ARHGAP24: variants seen among roughly 807,000 people sequenced by gnomAD.
ARHGAP24 encodes the protein rho GTPase-activating protein 24.
A neutral mutation model predicts 76.4 loss-of-function variants in ARHGAP24; 50 were observed. The observed-to-expected ratio is 0.65, with a 90% confidence interval of 0.52 to 0.83. The LOEUF is 0.83. Ranked by LOEUF, ARHGAP24 falls within the 40% of genes least tolerant of loss-of-function variation. ARHGAP24 has a pLI of 0.00. For synonymous variants in ARHGAP24, 345 were observed against 323.3 expected, an observed-to-expected ratio of 1.07 and a Z score of -0.72; for missense variants, 930 against 914.2, an observed-to-expected ratio of 1.02 and a Z score of -0.22.
chr4:86,000,133 T>A (rs1055517505), intron 9 of ARHGAP24: 1 of 198,062 alleles, frequency 5.0e-6, no homozygotes, highest in Non-Finnish European at 1.0e-5. Context: ...TTTAGTGTAG[T>A]GAACTTTACA....
At chr4:85,746,798 C>T (rs544562010) in intron 3 of ARHGAP24, among the ~76,000 whole-genome samples, 8 of 151,968 alleles carry the variant, frequency 5.3e-5, no homozygotes, top group Non-Finnish European at 1.0e-4. Context: ...ATTACAGGTG[C>T]CTGCCACCAT....
chr4:85,735,777 T>G (rs2110056184), intron 3 of ARHGAP24, among the ~76,000 whole-genome samples: 1 of 152,294 alleles, frequency 6.6e-6, no homozygotes, highest in East Asian at 1.9e-4. Flanking sequence ...AGAGTGATAT[T>G]TTTAATAGAC....
At chr4:85,482,565 A>T (rs1476517869) in intron 1 of ARHGAP24, among the ~76,000 whole-genome samples, 1 of 152,196 alleles carries the variant, frequency 6.6e-6, no homozygotes, top group Non-Finnish European at 1.5e-5. Context: ...AGGTCACAGG[A>T]TAACAAGTGC....
chr4:85,783,394 C>T (rs1727654259), intron 3 of ARHGAP24, among the ~76,000 whole-genome samples: 1 of 152,054 alleles, frequency 6.6e-6, no homozygotes, highest in Admixed American at 6.6e-5. Context: ...TTAGGATAAG[C>T]ATTCTTTTAC....
intron 3 of ARHGAP24, among the ~76,000 whole-genome samples, chr4:85,885,180 A>G (rs1274378188): frequency 6.6e-6 from 1 of 152,088 alleles, no homozygotes; most frequent in African/African-American, 2.4e-5. Context: ...TAGATTCATT[A>G]CGCTTCCTTT....
At chr4:85,894,960 C>CAAAAAAA (rs540459367) in intron 3 of ARHGAP24, among the ~76,000 whole-genome samples, 18 of 35,340 alleles carry the variant, frequency 5.1e-4, no homozygotes, top group South Asian at 2.0e-3. Context: ...GACTCCCTCT[C>CAAAAAAA]AAAAAAAAAA....
At chr4:85,669,137 A>T (rs112013503) in intron 2 of ARHGAP24, among the ~76,000 whole-genome samples, 24 of 152,302 alleles carry the variant, frequency 1.6e-4, no homozygotes, top group Non-Finnish European at 3.4e-4. Context: ...ATTGTTGGGT[A>T]GACAAAACTC....
chr4:85,475,750 A>T (rs1722567258), intron 1 of ARHGAP24, among the ~76,000 whole-genome samples, 191 bp downstream of exon 1: 1 of 146,044 alleles, frequency 6.8e-6, no homozygotes, highest in Non-Finnish European at 1.5e-5. Flanking sequence ...GGATCGCAGG[A>T]ATCCCGTGCT....
intron 3 of ARHGAP24, among the ~76,000 whole-genome samples, chr4:85,887,233 A>G (rs17011131): frequency 0.093 from 14,175 of 152,216 alleles, 859 homozygotes; most frequent in South Asian, 0.23. Flanking sequence ...GTAAGACATC[A>G]TAATTTTAAA....
At chr4:85,654,628 TA>T (rs555447646) in intron 2 of ARHGAP24, among the ~76,000 whole-genome samples, 151 of 152,152 alleles carry the variant, frequency 9.9e-4, no homozygotes, top group African/African-American at 3.5e-3. Context: ...GATGCATGAA[TA>T]AAAAAATATA....
intron 3 of ARHGAP24, among the ~76,000 whole-genome samples, chr4:85,884,943 A>G (rs961884707): frequency 6.6e-6 from 1 of 152,184 alleles, no homozygotes; most frequent in Non-Finnish European, 1.5e-5. Flanking sequence ...ACAGTTATAT[A>G]TGGTAAAAAT....
intron 3 of ARHGAP24, among the ~76,000 whole-genome samples, chr4:85,898,029 A>G (rs1734288447): frequency 1.8e-5 from 1 of 54,874 alleles, no homozygotes; most frequent in Non-Finnish European, 3.5e-5. Flanking sequence ...ACACACATAT[A>G]TGTGTATATA....
intron 2 of ARHGAP24, among the ~76,000 whole-genome samples, chr4:85,718,792 A>C (rs1724824483): frequency 6.6e-6 from 1 of 152,196 alleles, no homozygotes; most frequent in Admixed American, 6.5e-5. Context: ...AATGTTAATA[A>C]AAATTTCATC....
chr4:85,889,100 T>C (rs1178699006), intron 3 of ARHGAP24, among the ~76,000 whole-genome samples: 1 of 152,196 alleles, frequency 6.6e-6, no homozygotes, highest in Non-Finnish European at 1.5e-5. Context: ...CATGCATGTG[T>C]CTTTATAAAA....
At chr4:85,555,750 A>G (rs1260468117) in intron 1 of ARHGAP24, among the ~76,000 whole-genome samples, 1 of 152,196 alleles carries the variant, frequency 6.6e-6, no homozygotes, top group Non-Finnish European at 1.5e-5. Context: ...TCAGGTTTCC[A>G]TATCAGAAAA....
chr4:85,750,963 A>G (rs535294466), intron 3 of ARHGAP24, among the ~76,000 whole-genome samples: 1 of 152,226 alleles, frequency 6.6e-6, no homozygotes, highest in Non-Finnish European at 1.5e-5. Flanking sequence ...AATTTTTAGA[A>G]TACTACACAA....
At chr4:85,772,427 C>A (rs1349922289) in intron 3 of ARHGAP24, among the ~76,000 whole-genome samples, 1 of 152,172 alleles carries the variant, frequency 6.6e-6, no homozygotes, top group Admixed American at 6.5e-5. Flanking sequence ...TCGGCATTTT[C>A]TCTTGTTTGA....
intron 1 of ARHGAP24, among the ~76,000 whole-genome samples, chr4:85,555,811 A>C (rs972516084): frequency 6.6e-6 from 1 of 152,186 alleles, no homozygotes; most frequent in Non-Finnish European, 1.5e-5. Flanking sequence ...GGGTGGCTGC[A>C]TTGTGGACTC....
chr4:85,580,672 A>T (rs1161259), intron 2 of ARHGAP24, among the ~76,000 whole-genome samples: 61,947 of 151,944 alleles, frequency 0.41, 15,119 homozygotes, highest in East Asian at 0.85. Flanking sequence ...AACTGAGGCA[A>T]GAACTCCCAG....
Sources: allele counts gnomAD v4.1 joint callset (sites outside exome capture counted in the v4.1 genomes callset), GRCh38; gene constraint gnomAD v4.1.1; transcripts MANE v1.5; gene names NCBI Gene and HGNC (gene_info 2026-07-23, HGNC 2026-07-21).